Variants in SLC9A9 observed in about 807,000 individuals in gnomAD.
The protein encoded by SLC9A9 is sodium/hydrogen exchanger 9.
A neutral mutation model predicts 77.8 loss-of-function variants in SLC9A9; 62 were observed. The observed-to-expected ratio is 0.80, with a 90% CI of 0.65 to 0.98. The LOEUF (loss-of-function observed/expected upper bound fraction) is 0.98, where lower values mean the gene tolerates loss of function less well. SLC9A9 is among the 50% of genes least tolerant of loss of function. The pLI is 0.00. For synonymous variants in SLC9A9, 320 were observed against 283.5 expected, an observed-to-expected ratio of 1.13 and a Z score of -1.29; for missense variants, 775 against 774.9, an observed-to-expected ratio of 1.00 and a Z score of 0.00.
At chr3:143,326,182 T>A (rs1383382344) in intron 14 of SLC9A9, among the ~76,000 whole-genome samples, 2 of 152,100 alleles carry the variant, frequency 1.3e-5, no homozygotes, top group Admixed American at 1.3e-4. Flanking sequence ...TCATCAGGAT[T>A]CCTTGAGGCA....
At chr3:143,727,218 C>T (rs980265524) in intron 4 of SLC9A9, among the ~76,000 whole-genome samples, 3 of 152,096 alleles carry the variant, frequency 2.0e-5, no homozygotes, top group Non-Finnish European at 2.9e-5. Flanking sequence ...TCTGAGTACT[C>T]TGAGATGAGA....
At chr3:143,600,384 A>G (rs1313618017) in intron 6 of SLC9A9, among the ~76,000 whole-genome samples, 1 of 152,258 alleles carries the variant, frequency 6.6e-6, no homozygotes, top group Non-Finnish European at 1.5e-5. Flanking sequence ...AATACTATAC[A>G]GCCATAAGAA....
At chr3:143,805,155 C>T (rs1332395229) in intron 2 of SLC9A9, among the ~76,000 whole-genome samples, 2 of 152,160 alleles carry the variant, frequency 1.3e-5, no homozygotes, top group East Asian at 3.9e-4. Flanking sequence ...TCCTTTAATA[C>T]CTATTTTTCT....
chr3:143,739,145 C>A (rs1935019126), intron 4 of SLC9A9, among the ~76,000 whole-genome samples: 1 of 152,084 alleles, frequency 6.6e-6, no homozygotes. Flanking sequence ...TTTCTGAAGA[C>A]CAGTCCCCAC....
intron 14 of SLC9A9, among the ~76,000 whole-genome samples, chr3:143,277,049 C>T (rs146022233): frequency 6.6e-6 from 1 of 152,304 alleles, no homozygotes; most frequent in African/African-American, 2.4e-5. Context: ...GATAACTCTA[C>T]TTGGCTCCTC....
chr3:143,819,041 C>G (rs1454917195), intron 2 of SLC9A9, among the ~76,000 whole-genome samples: 2 of 152,072 alleles, frequency 1.3e-5, no homozygotes, highest in African/African-American at 4.8e-5. Flanking sequence ...AAGATCGCAC[C>G]GTTGCACTCC....
At position 143,415,562 on chromosome 3, in the gene SLC9A9, T is replaced by TA. The variant is rs1208134024; in HGVS notation, c.1470-33449dup. Among the ~76,000 whole-genome samples, 3 of 152,218 alleles carry TA rather than the reference T, an allele frequency of 2.0e-5. No homozygotes were observed. In the East Asian group the frequency reaches 5.8e-4, roughly 29 times the overall value. ...TGCCACATCTGTTTACAGCATGATTTACTGAACATTTTAAGCCCACTATTG... is the reference window on the plus strand; with the variant it reads ...TGCCACATCTGTTTACAGCATGATTTAACTGAACATTTTAAGCCCACTATTG... On this transcript the variant is annotated intron_variant, in intron 12 of 15. Coordinates refer to ENST00000316549, the MANE Select transcript of SLC9A9 (RefSeq NM_173653.4).
intron 9 of SLC9A9, among the ~76,000 whole-genome samples, chr3:143,510,536 T>C (rs1047222692): frequency 3.3e-5 from 5 of 152,212 alleles, no homozygotes; most frequent in African/African-American, 1.2e-4. Flanking sequence ...ATTTCTCTAC[T>C]TCAATTTTTG....
chr3:143,342,118 C>A (rs1400695991), intron 14 of SLC9A9: 1 of 152,184 alleles, frequency 6.6e-6, no homozygotes, highest in Non-Finnish European at 1.5e-5. Flanking sequence ...TCATACTTTA[C>A]TGACCATCAT....
chr3:143,278,582 G>A (rs991089089), intron 14 of SLC9A9, among the ~76,000 whole-genome samples: 4 of 152,164 alleles, frequency 2.6e-5, no homozygotes, highest in Admixed American at 2.0e-4. Context: ...GCTGGTAGAC[G>A]CATCGCTCCA....
chr3:143,815,480 T>G (rs73869029), intron 2 of SLC9A9, among the ~76,000 whole-genome samples: 1 of 152,068 alleles, frequency 6.6e-6, no homozygotes, highest in Non-Finnish European at 1.5e-5. Context: ...TGACTTCACC[T>G]GTTTGACACA....
At position 143,266,995 on chromosome 3, in the gene SLC9A9, A is replaced by ATTTT. The variant is rs148013960; in HGVS notation, c.1711-70_1711-67dup. The ATTTT allele has an allele frequency of 6.0e-5, 74 of 1,234,300 alleles. No individual in the cohort carries two copies. The African/African-American group carries it at 6.8e-4, about 11-fold the overall frequency. The allele number at this position is 1,234,300 out of a possible 1,614,324, so 76.5% of individuals were successfully genotyped here. A position where few individuals can be genotyped will look rare whatever the true frequency, so the allele number is the denominator to read the frequency against. On this transcript the variant is annotated intron_variant, in intron 15 of 15. Coordinates refer to ENST00000316549, the MANE Select transcript of SLC9A9 (RefSeq NM_173653.4). The stretch of plus-strand genomic sequence containing the variant: ...GGCAGAAAACAATAGCAGTCCTACA[A>ATTTT]TTTTTTTTTTTTTTTAAACAGAATG...
intron 8 of SLC9A9, among the ~76,000 whole-genome samples, chr3:143,552,754 T>C (rs887629740): frequency 2.0e-5 from 3 of 152,144 alleles, no homozygotes; most frequent in African/African-American, 7.2e-5. Context: ...TTTGAAAACA[T>C]GAACAAAAGA....
intron 12 of SLC9A9, among the ~76,000 whole-genome samples, chr3:143,390,700 G>C (rs1411513660): frequency 6.6e-6 from 1 of 152,204 alleles, no homozygotes; most frequent in Non-Finnish European, 1.5e-5. Context: ...CCATTTCCTA[G>C]TCAAGGGAAG....
At chr3:143,731,259 T>C (rs527744889) in intron 4 of SLC9A9, among the ~76,000 whole-genome samples, 1 of 152,342 alleles carries the variant, frequency 6.6e-6, no homozygotes, top group South Asian at 2.1e-4. Flanking sequence ...GTAGGAGTTC[T>C]GTTAGCAGCA....
intron 14 of SLC9A9, among the ~76,000 whole-genome samples, chr3:143,316,011 G>A (rs1481342678): frequency 2.0e-5 from 3 of 152,200 alleles, no homozygotes; most frequent in Non-Finnish European, 4.4e-5. Context: ...CATCTATAAG[G>A]TTCTGTGATA....
chr3:143,562,651 G>A (rs1278879484), intron 8 of SLC9A9, among the ~76,000 whole-genome samples: 1 of 150,590 alleles, frequency 6.6e-6, no homozygotes. Context: ...AAAATATCTA[G>A]TATGTCTACC....
chr3:143,541,489 C>G (rs1272810006), intron 9 of SLC9A9, among the ~76,000 whole-genome samples: 2 of 152,204 alleles, frequency 1.3e-5, no homozygotes, highest in Non-Finnish European at 1.5e-5. Flanking sequence ...ACTTCACAAA[C>G]TATACGAAAT....
intron 4 of SLC9A9, among the ~76,000 whole-genome samples, chr3:143,711,218 A>G (rs1934185071): frequency 6.6e-6 from 1 of 152,192 alleles, no homozygotes; most frequent in Admixed American, 6.5e-5. Context: ...GATGCATGTA[A>G]TACAACTTGT....
Sources: allele counts gnomAD v4.1 joint callset (sites outside exome capture counted in the v4.1 genomes callset), GRCh38; gene constraint gnomAD v4.1.1; transcripts MANE v1.5; gene names NCBI Gene and HGNC (gene_info 2026-07-23, HGNC 2026-07-21).